MACROD2: variants seen among roughly 807,000 people sequenced by gnomAD.
The protein encoded by MACROD2 is mono-ADP ribosylhydrolase 2, also known as ADP-ribose glycohydrolase MACROD2.
A neutral mutation model predicts 70.4 loss-of-function variants in MACROD2; 36 were observed. That is an observed-to-expected ratio of 0.51 (90% CI 0.39 to 0.68). MACROD2 has a LOEUF of 0.68. MACROD2 is among the 30% of genes least tolerant of loss of function. The probability of loss-of-function intolerance (pLI) is 0.00; values close to 1 mark genes in which losing one functional copy is unlikely to be tolerated. For missense variants in MACROD2, 496 were observed against 538.4 expected (o/e 0.92, Z 0.78); for synonymous variants, 172 against 178.8 (o/e 0.96, Z 0.30).
At chr20:15,689,237 G>A (rs1297139178) in intron 8 of MACROD2, among the ~76,000 whole-genome samples, 1 of 152,042 alleles carries the variant, frequency 6.6e-6, no homozygotes, top group Non-Finnish European at 1.5e-5. Flanking sequence ...CTGGGGGGTG[G>A]AGGTTGCAGT....
chr20:15,279,429 G>C (rs1463811944), intron 6 of MACROD2, among the ~76,000 whole-genome samples: 1 of 152,160 alleles, frequency 6.6e-6, no homozygotes, highest in African/African-American at 2.4e-5. Flanking sequence ...TAGGGCTGCA[G>C]CTTGATTTCA....
At chr20:14,581,306 G>C (rs74733059) in intron 4 of MACROD2, among the ~76,000 whole-genome samples, 2,589 of 152,270 alleles carry the variant, frequency 0.017, 75 homozygotes, top group African/African-American at 0.059. Context: ...CCACACTCCA[G>C]ACCAATCAAA....
At chr20:14,447,319 A>G (rs2084193869) in intron 3 of MACROD2, among the ~76,000 whole-genome samples, 1 of 152,052 alleles carries the variant, frequency 6.6e-6, no homozygotes, top group African/African-American at 2.4e-5. Flanking sequence ...CGCCCAGCCG[A>G]TGCAGATTTT....
intron 5 of MACROD2, among the ~76,000 whole-genome samples, chr20:15,126,111 C>CTTTT (rs5840654): frequency 1.0e-5 from 1 of 98,820 alleles, no homozygotes; most frequent in African/African-American, 4.2e-5. Flanking sequence ...ATTGTTTCAA[C>CTTTT]TTTTTTTTTT....
chr20:15,154,321 A>G lies in MACROD2; in HGVS notation c.419-75619A>G, dbSNP rs139337938. The stretch of plus-strand genomic sequence containing the variant: ...CTTTCCACAGATTTTCCAGTGTCTA[A>G]TACACCATCTAAGAGGTAAATAGCC... On this transcript the variant is annotated intron_variant, in intron 5 of 17. Transcript: ENST00000684519. 1.8e-4 allele frequency among the ~76,000 whole-genome samples: 27 copies of G among 152,328 alleles called. No individual in the cohort carries two copies. The East Asian group carries it at 4.6e-3, about 26-fold the overall frequency.
intron 15 of MACROD2, among the ~76,000 whole-genome samples, chr20:16,007,833 C>T (rs1034116045): frequency 6.6e-6 from 1 of 151,918 alleles, no homozygotes; most frequent in Non-Finnish European, 1.5e-5. Flanking sequence ...GTATGACACT[C>T]GAGAGGGTAT....
chr20:14,902,684 A>C (rs1407257829), intron 5 of MACROD2, among the ~76,000 whole-genome samples: 2 of 152,176 alleles, frequency 1.3e-5, no homozygotes, highest in African/African-American at 4.8e-5. Context: ...ACTGAAAAAA[A>C]TAGGGACCTT....
intron 8 of MACROD2, among the ~76,000 whole-genome samples, chr20:15,724,699 G>A (rs1328468528): frequency 6.6e-6 from 1 of 152,044 alleles, no homozygotes; most frequent in Non-Finnish European, 1.5e-5. Flanking sequence ...TTTACAATAG[G>A]TCTTGAAGTT....
chr20:14,840,120 C>T (rs1600715015), intron 5 of MACROD2, among the ~76,000 whole-genome samples: 1 of 151,736 alleles, frequency 6.6e-6, no homozygotes, highest in African/African-American at 2.4e-5. Context: ...TCACTGCAAC[C>T]TCTGCCTCCC....
chr20:14,465,011 G>T (rs926253646), intron 3 of MACROD2, among the ~76,000 whole-genome samples: 6 of 152,106 alleles, frequency 3.9e-5, no homozygotes, highest in Non-Finnish European at 7.3e-5. Context: ...TGTATATTCT[G>T]TTGATTTGGG....
chr20:15,780,761 G>A (rs868773485), intron 8 of MACROD2, among the ~76,000 whole-genome samples: 2 of 152,124 alleles, frequency 1.3e-5, no homozygotes, highest in African/African-American at 4.8e-5. Flanking sequence ...CATAGAGAGA[G>A]AAGTAGACAG....
intron 4 of MACROD2, among the ~76,000 whole-genome samples, chr20:14,520,979 A>ATG (rs2085162979): frequency 1.7e-5 from 2 of 115,658 alleles, no homozygotes; most frequent in African/African-American, 6.3e-5. Context: ...ACACACGCAC[A>ATG]CACACACCCC....
chr20:14,458,351 G>A (rs867421646), intron 3 of MACROD2, among the ~76,000 whole-genome samples: 2 of 152,028 alleles, frequency 1.3e-5, no homozygotes, highest in Non-Finnish European at 2.9e-5. Flanking sequence ...AAAAATTATG[G>A]ATCATTAGAA....
chr20:16,014,070 G>A (rs1486680972), intron 15 of MACROD2, among the ~76,000 whole-genome samples: 1 of 152,208 alleles, frequency 6.6e-6, no homozygotes, highest in Non-Finnish European at 1.5e-5. Context: ...TTAACACTTT[G>A]CACATCAAGG....
chr20:14,709,860 T>C (rs571087871), intron 5 of MACROD2, among the ~76,000 whole-genome samples: 1 of 152,378 alleles, frequency 6.6e-6, no homozygotes, highest in South Asian at 2.1e-4. Context: ...TGTACCTCTT[T>C]CTGAAGTTGA....
intron 8 of MACROD2, among the ~76,000 whole-genome samples, chr20:15,824,046 T>G (rs2063969884): frequency 6.6e-6 from 1 of 152,166 alleles, no homozygotes. Flanking sequence ...CAGAGGGAGA[T>G]CCAATTAATT....
At chr20:15,138,567 G>C (rs570237978) in intron 5 of MACROD2, among the ~76,000 whole-genome samples, 28 of 152,164 alleles carry the variant, frequency 1.8e-4, no homozygotes, top group Middle Eastern at 3.4e-3. Context: ...TAAAAGAAAT[G>C]GTTTAATTTT....
chr20:14,272,298 G>A (rs1055496517), intron 3 of MACROD2, among the ~76,000 whole-genome samples: 23 of 152,066 alleles, frequency 1.5e-4, no homozygotes, highest in Admixed American at 4.6e-4. Context: ...CTGATCTCTC[G>A]GCAGAAACTC....
rs1308992182 is a variant in MACROD2 at position 14,548,439 on chromosome 20, C to CAATT, written c.301+54931_301+54932insAATT. Among the ~76,000 whole-genome samples, 3 of 14,650 alleles carry CAATT rather than the reference C, an allele frequency of 2.0e-4. 1 individual carries two copies. Among genetic ancestry groups the CAATT allele is most frequent in the Non-Finnish European group, 3.9e-4 (2 of 5,188 alleles). The allele number at this position is 14,650 out of a possible 152,430, so 9.6% of individuals were successfully genotyped here. ...TAACACTATAAAATACATTATCTGG[C>CAATT]CGGGCGCGGTGGCTCACGCCTGTAA... On this transcript the variant is annotated intron_variant, in intron 4 of 17. Transcript: ENST00000684519.
Sources: allele counts gnomAD v4.1 joint callset (sites outside exome capture counted in the v4.1 genomes callset), GRCh38; gene constraint gnomAD v4.1.1; transcripts MANE v1.5; gene names NCBI Gene and HGNC (gene_info 2026-07-23, HGNC 2026-07-21).